The following FHIT variants were observed in gnomAD, a reference collection of about 807,000 sequenced individuals.
The protein encoded by FHIT is fragile histidine triad diadenosine triphosphatase, also known as bis(5'-adenosyl)-triphosphatase.
In FHIT, 19 loss-of-function variants were observed where a neutral mutation model predicts 17.9. The observed-to-expected ratio is 1.06, with a 90% CI of 0.74 to 1.56. The LOEUF is 1.56. Ranked by LOEUF, FHIT falls within the 40% of genes most tolerant of loss-of-function variation. The probability of loss-of-function intolerance (pLI) is 0.00; values close to 1 mark genes in which losing one functional copy is unlikely to be tolerated. For missense variants in FHIT, 248 were observed against 189.2 expected, an observed-to-expected ratio of 1.31 and a Z score of -1.82; for synonymous variants, 81 against 69.7, an observed-to-expected ratio of 1.16 and a Z score of -0.81.
At chr3:60,157,475 T>A (rs1700752691) in intron 5 of FHIT, among the ~76,000 whole-genome samples, 1 of 152,120 alleles carries the variant, frequency 6.6e-6, no homozygotes, top group South Asian at 2.1e-4. Flanking sequence ...TTCTATGATA[T>A]TCTGAAAAAA....
At chr3:60,389,185 A>G (rs1701128176) in intron 5 of FHIT, among the ~76,000 whole-genome samples, 1 of 152,172 alleles carries the variant, frequency 6.6e-6, no homozygotes, top group South Asian at 2.1e-4. Flanking sequence ...AGAAATGTGT[A>G]TTCTCAGGCT....
chr3:60,169,160 G>T (rs528407012), intron 5 of FHIT, among the ~76,000 whole-genome samples: 1 of 152,176 alleles, frequency 6.6e-6, no homozygotes, highest in African/African-American at 2.4e-5. Flanking sequence ...AATAATGAAA[G>T]AACGTGCCAA....
chr3:59,979,278 G>T (rs1460085210), intron 7 of FHIT, among the ~76,000 whole-genome samples: 3 of 152,086 alleles, frequency 2.0e-5, no homozygotes, highest in African/African-American at 4.8e-5. Flanking sequence ...AGATTCACAG[G>T]TTGTTTGTAC....
intron 5 of FHIT, among the ~76,000 whole-genome samples, chr3:60,428,936 T>C (rs1238362487): frequency 1.3e-5 from 2 of 152,144 alleles, no homozygotes; most frequent in Non-Finnish European, 2.9e-5. Context: ...TTGGATATGC[T>C]TGACAACTTT....
intron 5 of FHIT, 188 bp downstream of exon 5, chr3:60,536,672 G>T (rs2035991290): frequency 1.9e-6 from 1 of 517,976 alleles, no homozygotes; most frequent in Non-Finnish European, 3.2e-6. Context: ...CATATTACTG[G>T]TGCCACCAAC....
At chr3:60,340,387 T>G (rs1489184883) in intron 5 of FHIT, among the ~76,000 whole-genome samples, 1 of 152,164 alleles carries the variant, frequency 6.6e-6, no homozygotes, top group Non-Finnish European at 1.5e-5. Context: ...AAGTGGTACA[T>G]TGCCTCTGAT....
chr3:60,400,043 A>T (rs1465933410), intron 5 of FHIT, among the ~76,000 whole-genome samples: 1 of 152,168 alleles, frequency 6.6e-6, no homozygotes, highest in Non-Finnish European at 1.5e-5. Context: ...AGCAATGACT[A>T]AGCCGGGTGC....
intron 8 of FHIT, among the ~76,000 whole-genome samples, chr3:59,786,652 T>C (rs1275880325): frequency 6.6e-6 from 1 of 152,252 alleles, no homozygotes; most frequent in Admixed American, 6.5e-5. Flanking sequence ...GTAACCTCAA[T>C]GTAGGAAAGC....
chr3:59,999,237 A>G (rs1202258498), intron 7 of FHIT, among the ~76,000 whole-genome samples: 2 of 152,156 alleles, frequency 1.3e-5, no homozygotes, highest in Admixed American at 6.6e-5. Context: ...ACTGGTACAC[A>G]TACTTTACTG....
At chr3:61,125,475 A>G (rs2106937002) in intron 2 of FHIT, among the ~76,000 whole-genome samples, 1 of 152,342 alleles carries the variant, frequency 6.6e-6, no homozygotes, top group East Asian at 1.9e-4. Flanking sequence ...CTCCATAAAA[A>G]GTTCATAAAT....
At chr3:60,799,243 C>G (rs1235920047) in intron 4 of FHIT, among the ~76,000 whole-genome samples, 2 of 151,790 alleles carry the variant, frequency 1.3e-5, no homozygotes, top group Non-Finnish European at 2.9e-5. Flanking sequence ...GGCGCAATCT[C>G]GGCTCACTGC....
At chr3:60,954,267 T>G (rs982879420) in intron 3 of FHIT, among the ~76,000 whole-genome samples, 2 of 152,244 alleles carry the variant, frequency 1.3e-5, no homozygotes, top group Admixed American at 6.5e-5. Flanking sequence ...TACTATCATA[T>G]GCATGAATGT....
At chr3:60,328,923 AT>A (rs1340307685) in intron 5 of FHIT, among the ~76,000 whole-genome samples, 1 of 152,194 alleles carries the variant, frequency 6.6e-6, no homozygotes, top group Non-Finnish European at 1.5e-5. Flanking sequence ...ACACTGATGG[AT>A]AACCATAGCA....
At chr3:60,449,999 C>CAAAAAAAA (rs35302096) in intron 5 of FHIT, among the ~76,000 whole-genome samples, 1 of 65,072 alleles carries the variant, frequency 1.5e-5, no homozygotes, top group Non-Finnish European at 2.9e-5. Context: ...TAGACTCTGT[C>CAAAAAAAA]AAAAAAAAAA....
intron 7 of FHIT, among the ~76,000 whole-genome samples, chr3:59,962,593 A>G (rs1050886029): frequency 1.3e-5 from 2 of 152,222 alleles, no homozygotes; most frequent in Non-Finnish European, 2.9e-5. Flanking sequence ...CCTAAATGAC[A>G]GGGTTTAATC....
intron 5 of FHIT, among the ~76,000 whole-genome samples, chr3:60,231,180 C>T (rs1004256393): frequency 2.0e-5 from 3 of 152,162 alleles, no homozygotes; most frequent in African/African-American, 4.8e-5. Flanking sequence ...TCCTTCTTTG[C>T]AGATATATTA....
chr3:60,500,144 C>A (rs1007274675), intron 5 of FHIT, among the ~76,000 whole-genome samples: 3 of 152,162 alleles, frequency 2.0e-5, no homozygotes, highest in African/African-American at 7.2e-5. Flanking sequence ...AGAGCCAAAC[C>A]TGCCTGATAC....
chr3:59,964,292 G>C (rs1371738130), intron 7 of FHIT, among the ~76,000 whole-genome samples: 1 of 152,068 alleles, frequency 6.6e-6, no homozygotes, highest in Non-Finnish European at 1.5e-5. Context: ...CTTGAAATTT[G>C]GGTGTATTTC....
intron 2 of FHIT, among the ~76,000 whole-genome samples, chr3:61,157,024 G>T (rs755924626): frequency 2.6e-5 from 4 of 152,128 alleles, no homozygotes; most frequent in Non-Finnish European, 4.4e-5. Context: ...TCATGGATAT[G>T]ATTCTTCACC....
Sources: allele counts gnomAD v4.1 joint callset (sites outside exome capture counted in the v4.1 genomes callset), GRCh38; gene constraint gnomAD v4.1.1; transcripts MANE v1.5; gene names NCBI Gene and HGNC (gene_info 2026-07-23, HGNC 2026-07-21).